LARP1B: variants seen among roughly 807,000 people sequenced by gnomAD.
LARP1B encodes the protein la-related protein 1B.
LARP1B carries 76 observed loss-of-function variants against 114.2 expected under a neutral mutation model. The ratio of observed to expected loss-of-function variants is 0.67; its 90% confidence interval spans 0.55 to 0.81. The LOEUF is 0.81. Among genes scored for constraint, LARP1B ranks in the 30% least tolerant of loss-of-function variants. The probability of loss-of-function intolerance (pLI) is 0.00; values close to 1 mark genes in which losing one functional copy is unlikely to be tolerated. For missense variants in LARP1B, 1,014 were observed against 1,075.8 expected, an observed-to-expected ratio of 0.94 and a Z score of 0.80; for synonymous variants, 345 against 348.0, an observed-to-expected ratio of 0.99 and a Z score of 0.10.
intron 8 of LARP1B, among the ~76,000 whole-genome samples, chr4:128,100,022 T>C (rs1779719837): frequency 6.6e-6 from 1 of 152,046 alleles, no homozygotes; most frequent in South Asian, 2.1e-4. Context: ...TGCAATGCCA[T>C]GATCTTGGCT....
intron 8 of LARP1B, among the ~76,000 whole-genome samples, chr4:128,105,619 G>A (rs973712688): frequency 3.3e-5 from 5 of 152,142 alleles, no homozygotes; most frequent in African/African-American, 9.7e-5. Flanking sequence ...ATGGCCAGGC[G>A]TGGTGTTTCA....
At chr4:128,138,953 AAATAAT>A (rs1390809936) in intron 11 of LARP1B, among the ~76,000 whole-genome samples, 1 of 152,038 alleles carries the variant, frequency 6.6e-6, no homozygotes, top group Non-Finnish European at 1.5e-5. Context: ...GACTCTCAAA[AAATAAT>A]AATAATAATT....
intron 1 of LARP1B, among the ~76,000 whole-genome samples, chr4:128,072,786 G>A (rs1420690740): frequency 1.3e-5 from 2 of 151,852 alleles, no homozygotes; most frequent in South Asian, 4.2e-4. Flanking sequence ...TGAACTCCTG[G>A]CCTCAAGAGA....
At chr4:128,114,445 A>T in intron 9 of LARP1B, 125 bp from the exon 10 acceptor site, 2 of 685,750 alleles carry the variant, frequency 2.9e-6, no homozygotes, top group Non-Finnish European at 4.9e-6. Flanking sequence ...TGGAAAGCTT[A>T]CAGTTGAGAC....
chr4:128,061,807 C>T (rs961834000), intron 1 of LARP1B: 11 of 984,896 alleles, frequency 1.1e-5, no homozygotes, highest in Middle Eastern at 5.2e-4. Flanking sequence ...AGCAGCCGCC[C>T]CCGCCCGAAT....
intron 7 of LARP1B, chr4:128,093,133 A>T: frequency 3.1e-6 from 2 of 650,954 alleles, no homozygotes; most frequent in Non-Finnish European, 3.8e-6. Flanking sequence ...GATTTTGGCA[A>T]ATGTTAGTAG....
intron 11 of LARP1B, among the ~76,000 whole-genome samples, chr4:128,134,583 A>T (rs1386833748): frequency 6.6e-6 from 1 of 152,228 alleles, no homozygotes; most frequent in Non-Finnish European, 1.5e-5. Flanking sequence ...GTTACAGAAC[A>T]AATGTAGACA....
At chr4:128,190,969 A>G (rs1026564670) in intron 15 of LARP1B, among the ~76,000 whole-genome samples, 64 of 152,198 alleles carry the variant, frequency 4.2e-4, no homozygotes, top group African/African-American at 1.5e-3. Context: ...ATTATTCTTT[A>G]TATCTTGCAG....
intron 15 of LARP1B, among the ~76,000 whole-genome samples, chr4:128,189,045 T>C (rs1025963688): frequency 6.6e-6 from 1 of 152,154 alleles, no homozygotes; most frequent in African/African-American, 2.4e-5. Flanking sequence ...ATTGTATCTT[T>C]GTTGATTTTC....
At position 128,068,551 on chromosome 4, in the gene LARP1B, G is replaced by A. The variant is rs373830920; in HGVS notation, c.-77-5909G>A. ...AGTATCTTGCCATGTTGCCTAGGCT[G>A]GTCTCAGAACTCTTGAACTCAAGCT... On this transcript the variant is annotated intron_variant, in intron 1 of 19. Coordinates refer to ENST00000326639, the MANE Select transcript of LARP1B (RefSeq NM_018078.4). 1.3e-4 allele frequency among the ~76,000 whole-genome samples: 20 copies of A among 152,072 alleles called. No individual in the cohort carries two copies. In the East Asian group the frequency reaches 3.1e-3, roughly 24 times the overall value.
intron 5 of LARP1B, among the ~76,000 whole-genome samples, chr4:128,086,362 CTCTG>C (rs1271274334): frequency 6.6e-6 from 1 of 151,964 alleles, no homozygotes; most frequent in Non-Finnish European, 1.5e-5. Flanking sequence ...CAGGGTCTCA[CTCTG>C]TCTTCCAGGC....
intron 8 of LARP1B, among the ~76,000 whole-genome samples, chr4:128,104,472 C>T (rs746398134): frequency 6.6e-6 from 1 of 151,934 alleles, no homozygotes; most frequent in Non-Finnish European, 1.5e-5. Flanking sequence ...TGAGACCGCT[C>T]TCACTCTATG....
intron 1 of LARP1B, among the ~76,000 whole-genome samples, chr4:128,064,914 ATAATAT>A (rs1157213081): frequency 6.6e-5 from 10 of 152,120 alleles, no homozygotes; most frequent in East Asian, 1.9e-4. Context: ...GTTTAAAATA[ATAATAT>A]TAATAATAAT....
intron 11 of LARP1B, among the ~76,000 whole-genome samples, chr4:128,142,564 A>C (rs947917449): frequency 3.3e-5 from 5 of 149,644 alleles, no homozygotes; most frequent in Non-Finnish European, 7.4e-5. Flanking sequence ...GCTGGAGTTC[A>C]ATGGCGCGAT....
intron 16 of LARP1B, among the ~76,000 whole-genome samples, chr4:128,199,896 G>A (rs1755404316): frequency 1.3e-5 from 2 of 152,078 alleles, no homozygotes; most frequent in Non-Finnish European, 2.9e-5. Flanking sequence ...GACCAGCCTG[G>A]CCAACATAGT....
chr4:128,075,759 C>T (rs1767567395), intron 3 of LARP1B, among the ~76,000 whole-genome samples: 1 of 152,058 alleles, frequency 6.6e-6, no homozygotes, highest in Non-Finnish European at 1.5e-5. Context: ...GTTGCCCAGG[C>T]TGGTATCAAA....
intron 1 of LARP1B, among the ~76,000 whole-genome samples, chr4:128,071,790 A>G (rs926484471): frequency 1.3e-5 from 2 of 152,148 alleles, no homozygotes; most frequent in African/African-American, 4.8e-5. Flanking sequence ...GATGTGAAAT[A>G]TTGATATCAT....
At chr4:128,214,214 C>T (rs534289831), downstream of LARP1B, among the ~76,000 whole-genome samples, 16 of 143,138 alleles carry the variant, frequency 1.1e-4, no homozygotes, top group South Asian at 2.5e-4. Flanking sequence ...AAGGTGGCAA[C>T]GAGGCTGGTG....
At chr4:128,209,619 T>C (rs1758564455) in intron 19 of LARP1B, among the ~76,000 whole-genome samples, 1 of 150,472 alleles carries the variant, frequency 6.6e-6, no homozygotes, top group African/African-American at 2.4e-5. Flanking sequence ...ACTAATACAA[T>C]CTGTGAGGCG....
Sources: allele counts gnomAD v4.1 joint callset (sites outside exome capture counted in the v4.1 genomes callset), GRCh38; gene constraint gnomAD v4.1.1; transcripts MANE v1.5; gene names NCBI Gene and HGNC (gene_info 2026-07-23, HGNC 2026-07-21).